Variants in CEACAM1 observed in about 807,000 individuals in gnomAD.
CEACAM1 encodes cell adhesion molecule CEACAM1.
A neutral mutation model predicts 49.1 loss-of-function variants in CEACAM1; 31 were observed. The observed-to-expected ratio is 0.63, with a 90% CI of 0.47 to 0.85. The LOEUF (loss-of-function observed/expected upper bound fraction) is 0.85, where lower values mean the gene tolerates loss of function less well. Among genes scored for constraint, CEACAM1 ranks in the 40% least tolerant of loss-of-function variants. The probability of loss-of-function intolerance (pLI) is 0.00; values close to 1 mark genes in which losing one functional copy is unlikely to be tolerated. For missense variants in CEACAM1, 570 were observed against 645.3 expected (o/e 0.88, Z 1.26); for synonymous variants, 244 against 247.8 (o/e 0.98, Z 0.14).
chr19:42,519,299 G>A (rs974086546), intron 4 of CEACAM1, 64 bp from the exon 5 acceptor site: 4 of 1,514,152 alleles, frequency 2.6e-6, no homozygotes, highest in African/African-American at 1.4e-5. Flanking sequence ...GGGGCCTAGG[G>A]CTATGCTCCT....
intron 8 of CEACAM1, among the ~76,000 whole-genome samples, chr19:42,509,865 G>T (rs2041413623): frequency 2.0e-5 from 3 of 152,156 alleles, no homozygotes; most frequent in Non-Finnish European, 2.9e-5. Context: ...GACTTCTAGT[G>T]ATCCACCTGC....
At chr19:42,511,554 T>C in intron 7 of CEACAM1, 22 bp downstream of exon 7, 1 of 1,604,604 alleles carries the variant, frequency 6.2e-7, no homozygotes, top group Non-Finnish European at 8.5e-7. Context: ...CAGTTCTCAC[T>C]GGGGTAAGTG....
rs1459624859 is a variant in CEACAM1, at chr19:42,521,254, A to T, written c.958+13T>A. ...CCCCAGATCTTAGTGTTGATGCTCC[A>T]GGAATTACTTACCAGTGACTATGAT... On this transcript the variant is annotated intron_variant, in intron 4 of 8. Transcript: ENST00000161559. 1 of 1,612,906 alleles carries T rather than the reference A, an allele frequency of 6.2e-7. No individual in the cohort carries two copies. Among genetic ancestry groups the T allele is most frequent in the South Asian group, 1.1e-5 (1 of 91,042 alleles).
intron 7 of CEACAM1, 155 bp downstream of exon 7, chr19:42,511,421 T>G (rs1600212125): frequency 3.6e-4 from 242 of 667,422 alleles, no homozygotes; most frequent in Non-Finnish European, 5.3e-6. Flanking sequence ...CTAGGAAGGG[T>G]GGGAAGACCT....
chr19:42,525,982 G>T (rs2041879815), intron 2 of CEACAM1: 1 of 152,062 alleles, frequency 6.6e-6, no homozygotes, highest in African/African-American at 2.4e-5. Context: ...TTGAGATGGA[G>T]TCTCGCTCTG....
chr19:42,510,910 G>A lies in CEACAM1; in HGVS notation c.1440C>T (p.His480=). 2 of 1,614,096 alleles carry A rather than the reference G, an allele frequency of 1.2e-6. No homozygotes were observed. Among genetic ancestry groups the A allele is most frequent in the Non-Finnish European group, 1.7e-6 (2 of 1,179,932 alleles). The change falls in exon 8 of 9, where the codon CAC becomes CAT. Residue 480 remains histidine, a synonymous_variant. Transcript: ENST00000161559. Reference sequence around the variant, plus strand: ...TTACCTTGTTAGGTGGGTCATTGGAGTGGTCCTGAGCTGGAGAAGCAAAAG... The same window carrying A: ...TTACCTTGTTAGGTGGGTCATTGGAATGGTCCTGAGCTGGAGAAGCAAAAG... The part of the protein sequence containing the change: ...KPSVSNHTQD[H]SNDPPNKMNE...
rs1196559489 is a variant in CEACAM1 at position 42,527,325 on chromosome 19, T to C, written c.140A>G (p.Glu47Gly). 3 of 1,613,998 alleles carry C rather than the reference T, an allele frequency of 1.9e-6. No homozygotes were observed. Among genetic ancestry groups the C allele is most frequent in the Non-Finnish European group, 2.5e-6 (3 of 1,179,928 alleles). ...GACAAGGAGAAGAACCTCCTTCCCC[T>C]CTGCAACATTGAATGGCATGGATTC... ...TTESMPFNVA[E>G]GKEVLLLVHN... Residue 47 changes from glutamate to glycine, a missense_variant, in exon 2 of 9, where the codon GAG becomes GGG. Coordinates refer to ENST00000161559, the MANE Select transcript of CEACAM1 (RefSeq NM_001712.5).
chr19:42,513,780 G>A (rs2041521877), intron 5 of CEACAM1, among the ~76,000 whole-genome samples: 1 of 146,404 alleles, frequency 6.8e-6, no homozygotes, highest in Admixed American at 7.0e-5. Flanking sequence ...TATCTCAGTA[G>A]ATGGAAACTA....
chr19:42,518,191 G>A (rs889953208), intron 5 of CEACAM1, among the ~76,000 whole-genome samples: 1 of 152,108 alleles, frequency 6.6e-6, no homozygotes, highest in Admixed American at 6.6e-5. Context: ...TTGGGAGGCC[G>A]AGGCTGAGAC....
rs558396786 is a variant in CEACAM1, at chr19:42,522,285, T to A, written c.425-83A>T. 2.9e-5 allele frequency: 45 copies of A among 1,555,890 alleles called. No individual in the cohort carries two copies. The African/African-American group carries it at 6.1e-4, about 21-fold the overall frequency. On this transcript the variant is annotated intron_variant, in intron 2 of 8. Coordinates refer to ENST00000161559, the MANE Select transcript of CEACAM1 (RefSeq NM_001712.5). Reference sequence around the variant, plus strand: ...CATTTTTCTTTTCTTATTTATTTATTTTTTTTGGAGATGGAGCCTCGCTCT... The same window carrying A: ...CATTTTTCTTTTCTTATTTATTTATATTTTTTGGAGATGGAGCCTCGCTCT...
rs1380790297 is a variant in CEACAM1 at position 42,518,941 on chromosome 19, CACTT to C, written c.1246+3_1246+6del. 1.9e-6 allele frequency: 3 copies of C among 1,614,130 alleles called. No homozygotes were observed. The highest frequency in any genetic ancestry group is 1.3e-5 in the African/African-American group (1 of 75,060). On this transcript the variant is annotated splice_donor_5th_base_variant and intron_variant, in intron 5 of 8. Transcript: ENST00000161559. ...GGACATATAGGAAGGGGTGAGGAGT[CACTT>C]ACAGTTTACGTTCAGCATGATGGGG...
Position 42,528,381 on chromosome 19 carries a change from T to C in CEACAM1, c.-7A>G. The C allele has an allele frequency of 6.2e-7, 1 of 1,613,858 alleles. No individual in the cohort carries two copies. The highest frequency in any genetic ancestry group is 1.1e-5 in the South Asian group (1 of 91,070). On this transcript the variant is annotated 5_prime_UTR_variant, in exon 1 of 9. Coordinates refer to ENST00000161559, the MANE Select transcript of CEACAM1 (RefSeq NM_001712.5). ...GGGCTGAGAGGTGCCCCATGGTGTCTCCTGCTGGCCCTGTCTTCACCTGTG... is the reference window on the plus strand; with the variant it reads ...GGGCTGAGAGGTGCCCCATGGTGTCCCCTGCTGGCCCTGTCTTCACCTGTG...
intron 2 of CEACAM1, 142 bp downstream of exon 2, chr19:42,526,899 A>G (rs1168108157): frequency 1.4e-5 from 18 of 1,326,030 alleles, no homozygotes; most frequent in Non-Finnish European, 1.9e-5. Context: ...TCTGTCCCAT[A>G]GTGTGTCCTG....
At chr19:42,526,074 G>A (rs891106015) in intron 2 of CEACAM1, among the ~76,000 whole-genome samples, 6 of 152,148 alleles carry the variant, frequency 3.9e-5, no homozygotes, top group African/African-American at 1.4e-4. Flanking sequence ...TCCTGCCTCA[G>A]CCTCCTGAGT....
intron 6 of CEACAM1, among the ~76,000 whole-genome samples, chr19:42,512,004 T>C (rs534796974): frequency 2.6e-5 from 4 of 152,282 alleles, no homozygotes; most frequent in Non-Finnish European, 5.9e-5. Flanking sequence ...CCTCTTCCAA[T>C]GTGGTCAACA....
rs1210746582 is a variant in CEACAM1, at chr19:42,518,942, A to C, written c.1246+6T>G. The C allele has an allele frequency of 6.2e-7, 1 of 1,613,998 alleles. No individual in the cohort carries two copies. The highest frequency in any genetic ancestry group is 8.5e-7 in the Non-Finnish European group (1 of 1,179,984). On this transcript the variant is annotated splice_donor_region_variant and intron_variant, in intron 5 of 8. Transcript: ENST00000161559. ...GACATATAGGAAGGGGTGAGGAGTC[A>C]CTTACAGTTTACGTTCAGCATGATG...
At chr19:42,522,544 C>T (rs1455677436) in intron 2 of CEACAM1, among the ~76,000 whole-genome samples, 2 of 151,928 alleles carry the variant, frequency 1.3e-5, no homozygotes, top group Non-Finnish European at 2.9e-5. Flanking sequence ...GCCACCGTGC[C>T]TGGCTGGGCA....
Position 42,522,073 on chromosome 19 carries a change from A to T in CEACAM1, c.554T>A (p.Leu185His), listed in dbSNP as rs781423837. The change falls in exon 3 of 9, where the codon CTC becomes CAC. Residue 185 changes from leucine (L) to histidine (H), a missense_variant. Coordinates refer to ENST00000161559, the MANE Select transcript of CEACAM1 (RefSeq NM_001712.5). ...TYLWWINNQS[L>H]PVSPRLQLSN... is the part of the protein sequence containing the mutation. ...CAGCTGCAGCCTGGGACTGACCGGG[A>T]GGCTCTGATTGTTTATCCACCACAG... The T allele has an allele frequency of 8.1e-6, 13 of 1,613,996 alleles. No individual in the cohort carries two copies. The South Asian group carries it at 1.3e-4, about 16-fold the overall frequency.
rs2041387576 is a variant in CEACAM1, at chr19:42,508,888, A to G, written c.*221T>C. On this transcript the variant is annotated 3_prime_UTR_variant, in exon 9 of 9. Transcript: ENST00000161559. ...GTCAGCTTTGCCAAATTTCAATGAC[A>G]AGAAGGTTGGGTTTCCTACAGACTC... The G allele has an allele frequency of 1.0e-5, 5 of 484,152 alleles. No homozygotes were observed. Among genetic ancestry groups the G allele is most frequent in the Admixed American group, 3.9e-5 (1 of 25,580 alleles). 30.0% of individuals were successfully genotyped at this position (484,152 alleles called of 1,614,324 possible).
Sources: gnomAD v4.1 joint callset for allele counts (sites outside exome capture counted in the v4.1 genomes callset) on GRCh38, gnomAD v4.1.1 for gene constraint, MANE v1.5 for transcripts, NCBI Gene and HGNC (gene_info 2026-07-23, HGNC 2026-07-21) for gene names.